SIGLEC10: variants seen among roughly 807,000 people sequenced by gnomAD.
The protein encoded by SIGLEC10 is sialic acid binding Ig like lectin 10, also known as sialic acid-binding Ig-like lectin 10.
SIGLEC10 carries 45 observed loss-of-function variants against 68.3 expected under a neutral mutation model. The ratio of observed to expected loss-of-function variants is 0.66; its 90% CI spans 0.52 to 0.84. The LOEUF (loss-of-function observed/expected upper bound fraction) is 0.84. Among genes scored for constraint, SIGLEC10 ranks in the 40% least tolerant of loss-of-function variants. The pLI, the probability that SIGLEC10 is intolerant of heterozygous loss-of-function variation, is 0.00. For missense variants in SIGLEC10, 789 were observed against 883.1 expected, an observed-to-expected ratio of 0.89 and a Z score of 1.35; for synonymous variants, 379 against 370.8, an observed-to-expected ratio of 1.02 and a Z score of -0.26.
rs1988487854 is a variant in SIGLEC10 at position 51,415,284 on chromosome 19, G to T, written c.1227C>A (p.Val409=). The change falls in exon 7 of 11, where the codon GTC becomes GTA. Residue 409 remains valine (V), a synonymous_variant. Coordinates refer to ENST00000339313, the MANE Select transcript of SIGLEC10 (RefSeq NM_033130.5). ...CCACTTGAACCCGAGGCAGCTCCAG[G>T]ACCCCGGGGTCTGAGGGCTGGGAGG... ...LSPSQPSDPG[V]LELPRVQVEH... is the part of the protein sequence containing the mutation. 2 of 1,614,084 alleles carry T rather than the reference G, an allele frequency of 1.2e-6. No homozygotes were observed. The highest frequency in any genetic ancestry group is 2.7e-5 in the African/African-American group (2 of 75,036).
Position 51,415,235 on chromosome 19 carries a change from G to T in SIGLEC10, c.1276C>A (p.His426Asn). Residue 426 changes from histidine to asparagine, a missense_variant, in exon 7 of 11, where the codon CAC becomes AAC. His to Asn is a moderately conservative substitution (Grantham distance 68). Transcript: ENST00000339313. ...TGGGAGCCCAGTGGGTGCCGAGCGTGGCAGGTGAACTCTCCTTCGTGCTCC... is the reference window on the plus strand; with the variant it reads ...TGGGAGCCCAGTGGGTGCCGAGCGTTGCAGGTGAACTCTCCTTCGTGCTCC... ...QVEHEGEFTCHARHPLGSQHV... is the reference protein window; with the variant it reads ...QVEHEGEFTCNARHPLGSQHV... 1.2e-6 allele frequency: 2 copies of T among 1,613,950 alleles called. No individual in the cohort carries two copies. The highest frequency in any genetic ancestry group is 1.7e-6 in the Non-Finnish European group (2 of 1,179,874).
chr19:51,413,640 G>T, intron 10 of SIGLEC10, 72 bp downstream of exon 10: 1 of 1,316,176 alleles, frequency 7.6e-7, no homozygotes, highest in Non-Finnish European at 1.1e-6. Context: ...TAAGACAAGG[G>T]GTGCAAAAGT....
intron 10 of SIGLEC10, 21 bp from the exon 11 acceptor site, chr19:51,411,392 C>G: frequency 6.2e-7 from 1 of 1,611,460 alleles, no homozygotes; most frequent in Non-Finnish European, 8.5e-7. Flanking sequence ...AACCACCATC[C>G]TTCATTCATT....
intron 2 of SIGLEC10, 34 bp from the exon 3 acceptor site, chr19:51,416,984 C>A: frequency 1.3e-5 from 21 of 1,595,892 alleles, no homozygotes; most frequent in Non-Finnish European, 1.6e-5. Context: ...GATTCTTGTG[C>A]TGCAGGGGTC....
chr19:51,415,645 A>G (rs775566875), intron 5 of SIGLEC10, 30 bp from the exon 6 acceptor site: 2 of 1,613,832 alleles, frequency 1.2e-6, no homozygotes, highest in Middle Eastern at 1.7e-4. Context: ...CCGGCTCTAG[A>G]CGGACCAGGG....
At chr19:51,415,509 G>C in intron 6 of SIGLEC10, 59 bp downstream of exon 6, 1 of 1,614,052 alleles carries the variant, frequency 6.2e-7, no homozygotes, top group Non-Finnish European at 8.5e-7. Flanking sequence ...GGACCCTCCA[G>C]ACTCCTGGGC....
chr19:51,415,110 T>C lies in SIGLEC10; in HGVS notation c.1331-2A>G, dbSNP rs562624986. 7 of 1,572,066 alleles carry C rather than the reference T, an allele frequency of 4.5e-6. No individual in the cohort carries two copies. In the Admixed American group the frequency reaches 1.3e-4, roughly 30 times the overall value. On this transcript the variant is annotated splice_acceptor_variant, in intron 7 of 10. Coordinates refer to ENST00000339313, the MANE Select transcript of SIGLEC10 (RefSeq NM_033130.5). LOFTEE classifies it high-confidence loss of function. ...AGGGGCCCAGCAGCTTCGGGGAGTC[T>C]GAGGGGAGGGAGGACAGGACTCAGC... is the stretch of plus-strand genomic sequence containing the variant.
At position 51,412,195 on chromosome 19, in the gene SIGLEC10, G is replaced by A. The variant is rs554583418; in HGVS notation, c.1822-824C>T. Among the ~76,000 whole-genome samples the A allele has an allele frequency of 9.2e-5, 14 of 151,984 alleles. No individual in the cohort carries two copies. The South Asian group carries it at 1.9e-3, about 20-fold the overall frequency. ...AAAATAAAGAATAGCATGCATGCACGGAGAGAAAGACTGGAGGGGGTGAGA... is the reference window on the plus strand; with the variant it reads ...AAAATAAAGAATAGCATGCATGCACAGAGAGAAAGACTGGAGGGGGTGAGA... On this transcript the variant is annotated intron_variant, in intron 10 of 10. Coordinates refer to ENST00000339313, the MANE Select transcript of SIGLEC10 (RefSeq NM_033130.5).
At position 51,414,209 on chromosome 19, in the gene SIGLEC10, T is replaced by C. The variant is rs1988289528; in HGVS notation, c.1709+213A>G. On this transcript the variant is annotated intron_variant, in intron 9 of 10. Transcript: ENST00000339313. The surrounding 1 kb of genome is among the most constrained non-coding windows in gnomAD (Gnocchi z 4.1). Reference sequence around the variant, plus strand: ...TGCCTAATTACAAGAAACACTTCGCTTGGGGCGTGACTGCCCTCAGCATTC... The same window carrying C: ...TGCCTAATTACAAGAAACACTTCGCCTGGGGCGTGACTGCCCTCAGCATTC... 5.1e-6 allele frequency: 3 copies of C among 589,916 alleles called. No homozygotes were observed. Among genetic ancestry groups the C allele is most frequent in the Admixed American group, 3.0e-5 (1 of 33,478 alleles). 36.5% of individuals were successfully genotyped at this position (589,916 alleles called of 1,614,324 possible).
intron 10 of SIGLEC10, among the ~76,000 whole-genome samples, chr19:51,412,110 C>G (rs1240068941): frequency 1.3e-5 from 2 of 151,984 alleles, no homozygotes; most frequent in East Asian, 3.9e-4. Context: ...CCACTGCACT[C>G]CAGCCTAGAC....
intron 10 of SIGLEC10, among the ~76,000 whole-genome samples, chr19:51,413,134 C>A (rs1412300307): frequency 6.6e-6 from 1 of 152,046 alleles, no homozygotes; most frequent in Non-Finnish European, 1.5e-5. Flanking sequence ...TTAATAATTT[C>A]CAGAATTTAC....
chr19:51,411,437 G>C, intron 10 of SIGLEC10, 66 bp from the exon 11 acceptor site: 1 of 1,580,942 alleles, frequency 6.3e-7, no homozygotes, highest in Non-Finnish European at 8.6e-7. Context: ...ACCACGCGTC[G>C]GGCACTGATT....
At chr19:51,412,773 G>A (rs1041878099) in intron 10 of SIGLEC10, among the ~76,000 whole-genome samples, 1 of 149,690 alleles carries the variant, frequency 6.7e-6, no homozygotes, top group Non-Finnish European at 1.5e-5. Context: ...AGCAGGCGTG[G>A]CCTTTTTTTT....
At chr19:51,412,053 G>GAA (rs1988060988) in intron 10 of SIGLEC10, among the ~76,000 whole-genome samples, 1 of 151,082 alleles carries the variant, frequency 6.6e-6, no homozygotes. Flanking sequence ...TGAGGCAGAT[G>GAA]AATCGCTTGA....
In SIGLEC10 at chr19:51,416,057, C is replaced by CT; in HGVS notation, c.864_865insA (p.Val289SerfsTer16). The CT allele has an allele frequency of 1.2e-6, 2 of 1,612,778 alleles. No homozygotes were observed. The highest frequency in any genetic ancestry group is 3.3e-5 in the Admixed American group (2 of 59,938). On this transcript the variant is annotated frameshift_variant, in exon 5 of 11. Transcript: ENST00000339313. LOFTEE classifies it high-confidence loss of function. ...GAGGAGAGGACTCTGTTCTGCAGGA[C>CT]CCAGCTCAGTGTGGCAGGGGGCTGG...
chr19:51,414,217 T>C lies in SIGLEC10; in HGVS notation c.1709+205A>G. Reference sequence around the variant, plus strand: ...TACAAGAAACACTTCGCTTGGGGCGTGACTGCCCTCAGCATTCCCTCTGGG... The same window carrying C: ...TACAAGAAACACTTCGCTTGGGGCGCGACTGCCCTCAGCATTCCCTCTGGG... On this transcript the variant is annotated intron_variant, in intron 9 of 10. Transcript: ENST00000339313. This position sits in a 1 kb window ranked among gnomAD's most constrained non-coding sequence, Gnocchi z 4.1. The C allele has an allele frequency of 1.7e-6, 1 of 596,440 alleles. No individual in the cohort carries two copies. Among genetic ancestry groups the C allele is most frequent in the East Asian group, 2.8e-5 (1 of 35,678 alleles). 36.9% of individuals were successfully genotyped at this position (596,440 alleles called of 1,614,324 possible).
At chr19:51,412,714 G>A (rs905315968) in intron 10 of SIGLEC10, among the ~76,000 whole-genome samples, 29 of 151,738 alleles carry the variant, frequency 1.9e-4, no homozygotes, top group African/African-American at 6.3e-4. Flanking sequence ...GACCTCAGGC[G>A]ATCCACCCAC....
intron 5 of SIGLEC10, 33 bp downstream of exon 5, chr19:51,415,865 A>G (rs1234937988): frequency 6.2e-7 from 1 of 1,611,472 alleles, no homozygotes; most frequent in Non-Finnish European, 8.5e-7. Context: ...CTGCCCTCCC[A>G]ATGGACTCCA....
At chr19:51,415,830 C>T (rs1243773099) in intron 5 of SIGLEC10, 68 bp downstream of exon 5, 1 of 1,603,532 alleles carries the variant, frequency 6.2e-7, no homozygotes, top group African/African-American at 1.3e-5. Context: ...AGCTCTGGGA[C>T]CCTGAGCCCA....
Sources: allele counts gnomAD v4.1 joint callset (sites outside exome capture counted in the v4.1 genomes callset), GRCh38; gene constraint gnomAD v4.1.1; non-coding constraint Gnocchi (gnomAD v3.1); transcripts MANE v1.5; gene names NCBI Gene and HGNC (gene_info 2026-07-23, HGNC 2026-07-21).